Variants in CHMP7 observed in about 807,000 individuals in gnomAD.
CHMP7 encodes the protein CHMP family, member 7.
CHMP7 carries 15 observed loss-of-function variants against 53.7 expected under a neutral mutation model. That is an observed-to-expected ratio of 0.28 (90% CI 0.19 to 0.43). The LOEUF (loss-of-function observed/expected upper bound fraction) is 0.43, where lower values mean the gene tolerates loss of function less well. Among genes scored for constraint, CHMP7 ranks in the 20% least tolerant of loss-of-function variants. The pLI is 1.00. For synonymous variants in CHMP7, 261 were observed against 228.0 expected (o/e 1.14, Z -1.30); for missense variants, 527 against 569.4 (o/e 0.93, Z 0.76).
intron 7 of CHMP7, 139 bp downstream of exon 7, chr8:23,258,588 A>G: frequency 1.5e-6 from 2 of 1,324,028 alleles, no homozygotes; most frequent in South Asian, 1.3e-5. Context: ...TCCAGTCAGG[A>G]GGTTTGGCCT....
chr8:23,259,907 A>G, intron 9 of CHMP7: 1 of 473,008 alleles, frequency 2.1e-6, no homozygotes, highest in Non-Finnish European at 3.8e-6. Context: ...GGGCAGTGGG[A>G]ATCAGGGTCA....
Position 23,246,724 on chromosome 8 carries a change from C to T in CHMP7, c.29C>T (p.Ala10Val), listed in dbSNP as rs1448857580. 2 of 1,549,832 alleles carry T rather than the reference C, an allele frequency of 1.3e-6. No homozygotes were observed. The highest frequency in any genetic ancestry group is 2.0e-5 in the Admixed American group (1 of 51,042). The change falls in exon 2 of 11, where the codon GCC (alanine) becomes GTC (valine). Residue 10 changes from alanine to valine, a missense_variant. Ala to Val is a moderately conservative substitution (Grantham distance 64, BLOSUM62 0). Transcript: ENST00000397677. ...TGGTCCCCGGAGCGGGAGGCCGAGG[C>T]CCCAGCCGGGGGAGACCCGGCGGGC... MWSPEREAE[A>V]PAGGDPAGLL... is the part of the protein sequence containing the mutation.
intron 9 of CHMP7, among the ~76,000 whole-genome samples, chr8:23,259,740 G>A (rs766899596): frequency 1.9e-4 from 29 of 152,144 alleles, no homozygotes; most frequent in South Asian, 6.2e-4. Context: ...TTGCTTTTCC[G>A]GGTGCAGGCA....
At chr8:23,253,572 G>C (rs7463180) in intron 3 of CHMP7, among the ~76,000 whole-genome samples, 115,408 of 152,198 alleles carry the variant, frequency 0.76, 45,782 homozygotes, top group South Asian at 0.96. Flanking sequence ...GAGGCGTGAG[G>C]CACACCGTGC....
chr8:23,250,231 C>T (rs1415378595), intron 3 of CHMP7, among the ~76,000 whole-genome samples: 3 of 152,154 alleles, frequency 2.0e-5, no homozygotes, highest in Non-Finnish European at 4.4e-5. Context: ...ACTCAGCATT[C>T]CTGAGTCGGT....
rs549533539 is a variant in CHMP7 at position 23,254,084 on chromosome 8, G to A, written c.472-1163G>A. Among the ~76,000 whole-genome samples, 17 of 151,496 alleles carry A rather than the reference G, an allele frequency of 1.1e-4. No individual in the cohort carries two copies. The East Asian group carries it at 1.9e-3, about 17-fold the overall frequency. The stretch of plus-strand genomic sequence containing the variant: ...TCCCCTCTACATTTGTACACGTGCC[G>A]CATTGACCCACCCTTCTATGCTCAT... On this transcript the variant is annotated intron_variant, in intron 3 of 10. Transcript: ENST00000397677.
At chr8:23,258,601 G>T (rs1802233799) in intron 7 of CHMP7, 131 bp from the exon 8 acceptor site, 5 of 1,227,220 alleles carry the variant, frequency 4.1e-6, no homozygotes, top group Non-Finnish European at 4.7e-6. Flanking sequence ...TTTGGCCTCG[G>T]TGGGTATAGG....
At position 23,261,683 on chromosome 8, in the gene CHMP7, T is replaced by TG. The variant is rs932760890; in HGVS notation, c.*1089dup. The TG allele has an allele frequency of 2.6e-5, 4 of 152,570 alleles. No homozygotes were observed. Among genetic ancestry groups the TG allele is most frequent in the African/African-American group, 7.2e-5 (3 of 41,396 alleles). 9.5% of individuals were successfully genotyped at this position (152,570 alleles called of 1,614,324 possible). A position where few individuals can be genotyped will look rare whatever the true frequency, so the allele number is the denominator to read the frequency against. On this transcript the variant is annotated 3_prime_UTR_variant, in exon 11 of 11. Coordinates refer to ENST00000397677, the MANE Select transcript of CHMP7 (RefSeq NM_152272.5). ...CCACTCCCTGCCTCCTTTGAGGGAC[T>TG]GGGGGACTTGGGGTAGGGGGACAGA...
Position 23,249,340 on chromosome 8 carries a change from G to T in CHMP7, c.430G>T (p.Val144Phe), listed in dbSNP as rs751479818. The T allele has an allele frequency of 2.5e-6, 4 of 1,611,854 alleles. No homozygotes were observed. Among genetic ancestry groups the T allele is most frequent in the Non-Finnish European group, 3.4e-6 (4 of 1,179,044 alleles). The change falls in exon 3 of 11, where the codon GTT becomes TTT. Residue 144 changes from valine to phenylalanine, a missense_variant. Val to Phe is a conservative substitution (Grantham distance 50). Transcript: ENST00000397677. ...TLSNMLGDNK[V>F]PAEEVLVAVE... ...TTCTAACATGCTGGGAGATAATAAG[G>T]TTCCAGCTGAGGAGGTCCTTGTCGC...
At chr8:23,247,586 G>A (rs1382374451) in intron 2 of CHMP7, among the ~76,000 whole-genome samples, 1 of 152,144 alleles carries the variant, frequency 6.6e-6, no homozygotes, top group Non-Finnish European at 1.5e-5. Context: ...GTGCAGTTTT[G>A]GCGGTATCTG....
chr8:23,253,204 C>G (rs1801995941), intron 3 of CHMP7, among the ~76,000 whole-genome samples: 1 of 152,214 alleles, frequency 6.6e-6, no homozygotes, highest in African/African-American at 2.4e-5. Flanking sequence ...GTATCGCTGT[C>G]CTGCTGTCTC....
chr8:23,246,685 C>G lies in CHMP7; in HGVS notation c.-11C>G. The G allele has an allele frequency of 6.5e-7, 1 of 1,545,672 alleles. No individual in the cohort carries two copies. The highest frequency in any genetic ancestry group is 8.7e-7 in the Non-Finnish European group (1 of 1,144,858). On this transcript the variant is annotated 5_prime_UTR_variant, in exon 2 of 11. Coordinates refer to ENST00000397677, the MANE Select transcript of CHMP7 (RefSeq NM_152272.5). ...GCTTGTGTTCGCAGCCTTGCCGGGG[C>G]TGGGGTTCCGATGTGGTCCCCGGAG...
chr8:23,258,970 G>A, intron 8 of CHMP7, 96 bp from the exon 9 acceptor site: 2 of 1,057,726 alleles, frequency 1.9e-6, no homozygotes, highest in Non-Finnish European at 3.0e-6. Context: ...CTCACTTGGG[G>A]CAGGATTGCT....
At chr8:23,257,537 C>T (rs1015073469) in intron 5 of CHMP7, among the ~76,000 whole-genome samples, 1 of 152,234 alleles carries the variant, frequency 6.6e-6, no homozygotes, top group African/African-American at 2.4e-5. Flanking sequence ...GTGGACAAGA[C>T]AGGTCCCTGC....
At chr8:23,253,639 A>T (rs1325436864) in intron 3 of CHMP7, among the ~76,000 whole-genome samples, 1 of 152,220 alleles carries the variant, frequency 6.6e-6, no homozygotes, top group African/African-American at 2.4e-5. Context: ...TTTTGTCTTT[A>T]CTTTAAACTA....
chr8:23,249,420 G>A (rs370442575), intron 3 of CHMP7, 39 bp downstream of exon 3: 5 of 1,513,796 alleles, frequency 3.3e-6, no homozygotes, highest in South Asian at 1.3e-5. Context: ...GTCACCTGGT[G>A]TGATCACAGC....
rs1405123945 is a variant in CHMP7, at chr8:23,249,342, T to A, written c.432T>A (p.Val144=). The change falls in exon 3 of 11, where the codon GTT becomes GTA. Residue 144 remains valine, a synonymous_variant. Transcript: ENST00000397677. The part of the protein sequence containing the change: ...TLSNMLGDNK[V]PAEEVLVAVE... ...CTAACATGCTGGGAGATAATAAGGT[T>A]CCAGCTGAGGAGGTCCTTGTCGCTG... is the stretch of plus-strand genomic sequence containing the variant. 6 of 1,611,622 alleles carry A rather than the reference T, an allele frequency of 3.7e-6. No homozygotes were observed. The Admixed American group carries it at 5.0e-5, about 14-fold the overall frequency.
rs889071181 is a variant in CHMP7 at position 23,260,857 on chromosome 8, C to G, written c.*258C>G. On this transcript the variant is annotated 3_prime_UTR_variant, in exon 11 of 11. Transcript: ENST00000397677. ...CGATTTATACAGTCCTGTGTCTGAC[C>G]TGTCATTTCATAGCCTGCAGTTCTT... 1.4e-5 allele frequency: 7 copies of G among 503,380 alleles called. No individual in the cohort carries two copies. The highest frequency in any genetic ancestry group is 3.5e-5 in the Admixed American group (1 of 28,472). The allele number at this position is 503,380 out of a possible 1,614,324, so 31.2% of individuals were successfully genotyped here.
At chr8:23,255,638 C>T (rs767808320) in intron 4 of CHMP7, among the ~76,000 whole-genome samples, 15 of 152,150 alleles carry the variant, frequency 9.9e-5, no homozygotes, top group African/African-American at 1.4e-4. Flanking sequence ...GATGGGACCT[C>T]GTAGTATCCC....
Sources: allele counts gnomAD v4.1 joint callset (sites outside exome capture counted in the v4.1 genomes callset), GRCh38; gene constraint gnomAD v4.1.1; transcripts MANE v1.5; gene names NCBI Gene and HGNC (gene_info 2026-07-23, HGNC 2026-07-21).